TDRD9: variants seen among roughly 807,000 people sequenced by gnomAD.
TDRD9 encodes ATP-dependent RNA helicase TDRD9.
TDRD9 carries 124 observed loss-of-function variants against 172.6 expected under a neutral mutation model. The observed-to-expected ratio is 0.72, with a 90% CI of 0.62 to 0.83. The LOEUF (loss-of-function observed/expected upper bound fraction) is 0.83, where lower values mean the gene tolerates loss of function less well. TDRD9 is among the 40% of genes least tolerant of loss of function. TDRD9 has a pLI of 0.00. For synonymous variants in TDRD9, 619 were observed against 617.1 expected (o/e 1.00, Z -0.05); for missense variants, 1,479 against 1,714.1 (o/e 0.86, Z 2.42).
intron 31 of TDRD9, 95 bp from the exon 32 acceptor site, chr14:104,034,865 G>A: frequency 3.5e-6 from 3 of 868,624 alleles, no homozygotes; most frequent in Non-Finnish European, 3.6e-6. Flanking sequence ...GCAGAGGAGG[G>A]GATACCTGCA....
chr14:103,941,063 C>T (rs1344702183), intron 1 of TDRD9: 4 of 1,535,090 alleles, frequency 2.6e-6, no homozygotes, highest in Non-Finnish European at 3.5e-6. Context: ...TAGACTATTT[C>T]CCATGGCAGT....
chr14:104,029,263 C>T (rs960700778), intron 28 of TDRD9, among the ~76,000 whole-genome samples: 3 of 151,974 alleles, frequency 2.0e-5, no homozygotes, highest in Non-Finnish European at 1.5e-5. Context: ...ATCTGTAGCT[C>T]GCTTTGGATA....
intron 8 of TDRD9, among the ~76,000 whole-genome samples, chr14:103,989,018 A>G (rs2033776790): frequency 6.6e-6 from 1 of 152,198 alleles, no homozygotes; most frequent in African/African-American, 2.4e-5. Context: ...TTCAGCACAA[A>G]AAAACTTCCT....
chr14:103,947,949 G>A (rs913818407), intron 1 of TDRD9, among the ~76,000 whole-genome samples: 5 of 152,208 alleles, frequency 3.3e-5, no homozygotes, highest in African/African-American at 1.2e-4. Context: ...TGCAAATCAT[G>A]TATCTGAAAA....
At position 104,016,085 on chromosome 14, in the gene TDRD9, C is replaced by A. The variant is rs770869663; in HGVS notation, c.2328C>A (p.Val776=). 1.3e-5 allele frequency: 21 copies of A among 1,596,330 alleles called. No individual in the cohort carries two copies. The highest frequency in any genetic ancestry group is 1.7e-4 in the Middle Eastern group (1 of 5,900). The change falls in exon 22 of 36, where the codon GTC becomes GTA. Residue 776 remains valine (V), a synonymous_variant. Transcript: ENST00000409874. ...CTGGCAAGGACCCCAAGACAACTGT[C>A]GTGGTAGGTGCTGGGGGCAGGCCGT... ...ELAGKDPKTT[V]VLKHIPPYGF... is the part of the protein sequence containing the mutation.
At chr14:104,006,042 C>T (rs1432229419) in intron 15 of TDRD9, among the ~76,000 whole-genome samples, 1 of 152,008 alleles carries the variant, frequency 6.6e-6, no homozygotes, top group Non-Finnish European at 1.5e-5. Flanking sequence ...GAAGTTTTTC[C>T]CCATACATAG....
rs1420489174 is a variant in TDRD9, at chr14:104,035,031, T to C, written c.3691T>C (p.Leu1231=). 3.9e-6 allele frequency: 6 copies of C among 1,551,616 alleles called. No individual in the cohort carries two copies. Among genetic ancestry groups the C allele is most frequent in the Admixed American group, 2.0e-5 (1 of 50,974 alleles). The change falls in exon 32 of 36, where the codon TTA becomes CTA. Residue 1231 remains leucine (L), a synonymous_variant. Transcript: ENST00000409874. ...IPGLPALLSM[L]FAPVIELRID... ...TGGCCTCCCGGCTCTCCTCAGCATGTTATTCGCACCGGTGATAGAGTTAAG... is the reference window on the plus strand; with the variant it reads ...TGGCCTCCCGGCTCTCCTCAGCATGCTATTCGCACCGGTGATAGAGTTAAG...
At chr14:104,044,640 AAAT>A (rs1251779420) in intron 34 of TDRD9, among the ~76,000 whole-genome samples, 3 of 152,184 alleles carry the variant, frequency 2.0e-5, no homozygotes, top group African/African-American at 7.2e-5. Flanking sequence ...CCTTTTTACT[AAAT>A]AATATTTCAT....
chr14:103,991,579 A>AT (rs1340332557), intron 9 of TDRD9, among the ~76,000 whole-genome samples: 4 of 150,308 alleles, frequency 2.7e-5, no homozygotes, highest in Non-Finnish European at 5.9e-5. Flanking sequence ...CGCCCGGCTT[A>AT]TTTTTGTATT....
chr14:103,999,550 C>A (rs1295190466), intron 13 of TDRD9, among the ~76,000 whole-genome samples: 1 of 151,904 alleles, frequency 6.6e-6, no homozygotes, highest in African/African-American at 2.4e-5. Context: ...ATACCTGGGA[C>A]AGGTTAAGAT....
intron 1 of TDRD9, among the ~76,000 whole-genome samples, chr14:103,953,155 C>G (rs965195776): frequency 2.0e-5 from 3 of 152,166 alleles, no homozygotes; most frequent in African/African-American, 7.2e-5. Flanking sequence ...TCTCTCTGCT[C>G]AAAACCCATC....
intron 1 of TDRD9, among the ~76,000 whole-genome samples, chr14:103,936,410 G>A (rs2030767626): frequency 6.6e-6 from 1 of 152,124 alleles, no homozygotes. Context: ...CCCAGTTATT[G>A]AATGCTTACA....
chr14:104,026,635 C>CTTA, intron 27 of TDRD9, 44 bp from the exon 28 acceptor site: 1 of 1,597,390 alleles, frequency 6.3e-7, no homozygotes, highest in Non-Finnish European at 8.6e-7. Context: ...GAGTGTTTTG[C>CTTA]TTATTTATAA....
intron 12 of TDRD9, 141 bp from the exon 13 acceptor site, chr14:103,998,483 G>A (rs992004007): frequency 1.0e-5 from 6 of 591,260 alleles, no homozygotes; most frequent in Admixed American, 3.0e-5. Context: ...GGGAGTGGTC[G>A]GTGCGTGGCC....
At chr14:103,934,331 C>G (rs1299799630) in intron 1 of TDRD9, among the ~76,000 whole-genome samples, 1 of 152,160 alleles carries the variant, frequency 6.6e-6, no homozygotes, top group East Asian at 1.9e-4. Flanking sequence ...ATTTTTAAGA[C>G]CTTTTGGTCG....
intron 7 of TDRD9, among the ~76,000 whole-genome samples, chr14:103,978,727 C>T (rs1475649360): frequency 6.6e-6 from 1 of 152,126 alleles, no homozygotes; most frequent in Non-Finnish European, 1.5e-5. Context: ...TGTCACATAT[C>T]AAGGGTATAC....
intron 3 of TDRD9, among the ~76,000 whole-genome samples, chr14:103,963,740 GGAA>G (rs1233927220): frequency 2.0e-5 from 3 of 152,258 alleles, no homozygotes; most frequent in South Asian, 2.1e-4. Context: ...TTTATTAACT[GGAA>G]GAAGGAGTTA....
At chr14:104,042,443 T>C (rs920541470) in intron 34 of TDRD9, among the ~76,000 whole-genome samples, 6 of 152,104 alleles carry the variant, frequency 3.9e-5, no homozygotes, top group African/African-American at 1.4e-4. Context: ...GTGGGTAATG[T>C]GTCACCCACC....
rs1019575428 is a variant in TDRD9, at chr14:103,986,187, A to G, written c.1012-30A>G. 2.5e-6 allele frequency: 4 copies of G among 1,574,230 alleles called. No homozygotes were observed. The Admixed American group carries it at 5.1e-5, about 20-fold the overall frequency. ...GTTTCTTCTGTAATCCTGTTTTCGT[A>G]TTGCGACTTTTTTCTTTCACTGTTT... On this transcript the variant is annotated intron_variant, in intron 7 of 35. Transcript: ENST00000409874.
Sources: gnomAD v4.1 joint callset for allele counts (sites outside exome capture counted in the v4.1 genomes callset) on GRCh38, gnomAD v4.1.1 for gene constraint, MANE v1.5 for transcripts, NCBI Gene and HGNC (gene_info 2026-07-23, HGNC 2026-07-21) for gene names.